SORCS3: variants seen among roughly 807,000 people sequenced by gnomAD.
The protein encoded by SORCS3 is VPS10 domain-containing receptor SorCS3.
Under a neutral mutation model 146.3 loss-of-function variants are expected in SORCS3, and 57 were observed. That is an observed-to-expected ratio of 0.39 (90% CI 0.31 to 0.49). SORCS3 has a LOEUF of 0.49. Ranked by LOEUF, SORCS3 falls within the 20% of genes least tolerant of loss-of-function variation. The pLI, the probability that SORCS3 is intolerant of heterozygous loss-of-function variation, is 0.92. For synonymous variants in SORCS3, 653 were observed against 618.5 expected (o/e 1.06, Z -0.83); for missense variants, 1,341 against 1,575.5 (o/e 0.85, Z 2.52).
intron 2 of SORCS3, among the ~76,000 whole-genome samples, chr10:104,907,695 G>A (rs1309357671): frequency 6.6e-6 from 1 of 152,198 alleles, no homozygotes; most frequent in African/African-American, 2.4e-5. Context: ...GTATCATTGT[G>A]CCTCTCTTTG....
chr10:104,749,877 A>G (rs2016963375), intron 1 of SORCS3, among the ~76,000 whole-genome samples: 1 of 152,202 alleles, frequency 6.6e-6, no homozygotes, highest in South Asian at 2.1e-4. Context: ...TCTCACTGGT[A>G]TTTCCTGAGT....
chr10:104,773,812 CCT>C (rs1211348516), intron 1 of SORCS3, among the ~76,000 whole-genome samples: 1 of 152,224 alleles, frequency 6.6e-6, no homozygotes, highest in Non-Finnish European at 1.5e-5. Context: ...GTTTCCTCCA[CCT>C]CTGTTATTCA....
Position 105,251,740 on chromosome 10 carries a change from T to C in SORCS3, c.3106-1035T>C, listed in dbSNP as rs184160282. Among the ~76,000 whole-genome samples, 16 of 152,344 alleles carry C rather than the reference T, an allele frequency of 1.1e-4. No homozygotes were observed. In the East Asian group the frequency reaches 3.1e-3, roughly 29 times the overall value. ...CGGGGGAGAACTCAGCATCCTGTTT[T>C]CTTTAAAAATTTGCCTTCAGACAGA... On this transcript the variant is annotated intron_variant, in intron 22 of 26. Coordinates refer to ENST00000369701, the MANE Select transcript of SORCS3 (RefSeq NM_014978.3).
intron 3 of SORCS3, among the ~76,000 whole-genome samples, chr10:104,946,464 C>T (rs1474066467): frequency 6.6e-6 from 1 of 152,164 alleles, no homozygotes; most frequent in Non-Finnish European, 1.5e-5. Context: ...TCCCTGCTAT[C>T]AGCAGAAGAC....
chr10:104,823,382 A>G (rs1589512917), intron 1 of SORCS3, among the ~76,000 whole-genome samples: 1 of 152,268 alleles, frequency 6.6e-6, no homozygotes, highest in East Asian at 1.9e-4. Context: ...AACTTCTTGG[A>G]TATCTCTGAG....
At chr10:104,899,792 C>A (rs2018832815) in intron 2 of SORCS3, among the ~76,000 whole-genome samples, 1 of 152,102 alleles carries the variant, frequency 6.6e-6, no homozygotes, top group South Asian at 2.1e-4. Flanking sequence ...TAATAGAAGG[C>A]ATTTATTGAG....
chr10:105,195,592 A>C (rs763485129), intron 14 of SORCS3, among the ~76,000 whole-genome samples: 4 of 152,230 alleles, frequency 2.6e-5, no homozygotes, highest in Non-Finnish European at 5.9e-5. Flanking sequence ...CATAAGCTTT[A>C]ATCAGAAGAG....
At chr10:104,987,953 A>G (rs2054971765) in intron 4 of SORCS3, among the ~76,000 whole-genome samples, 1 of 152,164 alleles carries the variant, frequency 6.6e-6, no homozygotes, top group Non-Finnish European at 1.5e-5. Context: ...CTTTACTCAG[A>G]GTTGGACGTA....
chr10:105,228,926 T>A (rs1198426835), intron 20 of SORCS3, among the ~76,000 whole-genome samples: 1 of 152,248 alleles, frequency 6.6e-6, no homozygotes, highest in African/African-American at 2.4e-5. Flanking sequence ...AGCAATTATT[T>A]TGTTAAATTG....
intron 5 of SORCS3, among the ~76,000 whole-genome samples, chr10:105,082,346 T>C (rs1177533941): frequency 6.6e-6 from 1 of 152,028 alleles, no homozygotes; most frequent in Non-Finnish European, 1.5e-5. Flanking sequence ...AATGTAGAAG[T>C]ATCAGTCGGG....
chr10:105,000,618 T>C (rs1466109540), intron 4 of SORCS3, among the ~76,000 whole-genome samples: 1 of 152,174 alleles, frequency 6.6e-6, no homozygotes, highest in Non-Finnish European at 1.5e-5. Context: ...ATCATATTCA[T>C]AGCTACAGCT....
At chr10:104,652,713 A>G (rs542750340) in intron 1 of SORCS3, among the ~76,000 whole-genome samples, 1 of 152,296 alleles carries the variant, frequency 6.6e-6, no homozygotes, top group African/African-American at 2.4e-5. Context: ...AAATTCTCAG[A>G]TGGGAGTGTA....
chr10:105,002,917 G>T (rs900170793), intron 4 of SORCS3, among the ~76,000 whole-genome samples: 1 of 152,140 alleles, frequency 6.6e-6, no homozygotes, highest in Admixed American at 6.5e-5. Flanking sequence ...TGTGTTCCAG[G>T]CACCATTGTA....
At chr10:104,786,996 C>T (rs1429823049) in intron 1 of SORCS3, among the ~76,000 whole-genome samples, 3 of 152,198 alleles carry the variant, frequency 2.0e-5, no homozygotes, top group Non-Finnish European at 4.4e-5. Flanking sequence ...GATGGCTAAG[C>T]TAGACTTGTA....
At chr10:105,094,084 G>GT (rs1402261777) in intron 6 of SORCS3, among the ~76,000 whole-genome samples, 1 of 152,138 alleles carries the variant, frequency 6.6e-6, no homozygotes, top group East Asian at 1.9e-4. Flanking sequence ...TTTTAAAGGT[G>GT]TTATGTTGAG....
At chr10:104,909,430 ATTTTAGATTGTTTGCCAG>A (rs1415639958) in intron 2 of SORCS3, among the ~76,000 whole-genome samples, 1 of 152,096 alleles carries the variant, frequency 6.6e-6, no homozygotes, top group Non-Finnish European at 1.5e-5. Context: ...TTGTTTGCCA[ATTTTAGATTGTTTGCCAG>A]TTTTAGATTG....
chr10:104,673,334 C>T (rs1264763614), intron 1 of SORCS3, among the ~76,000 whole-genome samples: 1 of 151,788 alleles, frequency 6.6e-6, no homozygotes, highest in Non-Finnish European at 1.5e-5. Context: ...TTTTTTGCCC[C>T]CCATTTCCTG....
At chr10:105,051,768 A>G (rs2055415081) in intron 5 of SORCS3, among the ~76,000 whole-genome samples, 1 of 152,182 alleles carries the variant, frequency 6.6e-6, no homozygotes, top group Admixed American at 6.6e-5. Flanking sequence ...TTTTAAGGCT[A>G]TTGCAAACCA....
At chr10:105,039,121 T>G (rs989674815) in intron 4 of SORCS3, among the ~76,000 whole-genome samples, 2 of 152,188 alleles carry the variant, frequency 1.3e-5, no homozygotes, top group African/African-American at 4.8e-5. Context: ...AGTTGTTTGA[T>G]ACACTTTTAG....
Sources: gnomAD v4.1 joint callset for allele counts (sites outside exome capture counted in the v4.1 genomes callset) on GRCh38, gnomAD v4.1.1 for gene constraint, MANE v1.5 for transcripts, NCBI Gene and HGNC (gene_info 2026-07-23, HGNC 2026-07-21) for gene names.